STRN4: variants seen among roughly 807,000 people sequenced by gnomAD.
STRN4 encodes striatin 4.
STRN4 carries 27 observed loss-of-function variants against 77.9 expected under a neutral mutation model. That is an observed-to-expected ratio of 0.35 (90% CI 0.26 to 0.48). The LOEUF is 0.48. STRN4 is among the 20% of genes least tolerant of loss of function. The pLI, the probability that STRN4 is intolerant of heterozygous loss-of-function variation, is 0.99. For missense variants in STRN4, 798 were observed against 1,049.7 expected, an observed-to-expected ratio of 0.76 and a Z score of 3.31; for synonymous variants, 466 against 443.1, an observed-to-expected ratio of 1.05 and a Z score of -0.65.
chr19:46,734,750 C>T (rs919177586), intron 4 of STRN4, among the ~76,000 whole-genome samples: 13 of 152,078 alleles, frequency 8.5e-5, no homozygotes, highest in Non-Finnish European at 1.6e-4. Flanking sequence ...CTGCAAGCTC[C>T]GTCTCCCGGG....
Position 46,733,313 on chromosome 19 carries a change from G to T in STRN4, c.540-77C>A, listed in dbSNP as rs2054294085. 9 of 1,456,170 alleles carry T rather than the reference G, an allele frequency of 6.2e-6. No individual in the cohort carries two copies. The highest frequency in any genetic ancestry group is 8.4e-6 in the Non-Finnish European group (9 of 1,071,064). The allele number at this position is 1,456,170 out of a possible 1,614,324, so 90.2% of individuals were successfully genotyped here. On this transcript the variant is annotated intron_variant, in intron 4 of 17. Coordinates refer to ENST00000263280, the MANE Select transcript of STRN4 (RefSeq NM_013403.3). This position sits in a 1 kb window ranked among gnomAD's most constrained non-coding sequence, Gnocchi z 4.3. ...TACCACAGGGGCCAATGCAAACCGA[G>T]ACAACCTCTTAAGGGGCCACTTAAG...
chr19:46,728,565 C>T, intron 7 of STRN4, 53 bp downstream of exon 7: 1 of 1,584,076 alleles, frequency 6.3e-7, no homozygotes. Flanking sequence ...AGCCTGCTCC[C>T]ACCCCCTCGG....
rs1293511037 is a variant in STRN4, at chr19:46,721,855, G to A, written c.2092+131C>T. ...TGTGCTGCCCCCTATGGTCACCACG[G>A]TCATTCCCGCCCAGACCAGCCTCCC... On this transcript the variant is annotated intron_variant, in intron 16 of 17. Coordinates refer to ENST00000263280, the MANE Select transcript of STRN4 (RefSeq NM_013403.3). 1.3e-5 allele frequency: 12 copies of A among 930,922 alleles called. No individual in the cohort carries two copies. In the East Asian group the frequency reaches 2.4e-4, roughly 19 times the overall value. The allele number at this position is 930,922 out of a possible 1,614,324, so 57.7% of individuals were successfully genotyped here. A position where few individuals can be genotyped will look rare whatever the true frequency, so the allele number is the denominator to read the frequency against.
chr19:46,739,300 C>T (rs1052286781), intron 1 of STRN4: 3 of 216,042 alleles, frequency 1.4e-5, no homozygotes, highest in Non-Finnish European at 2.9e-5. Context: ...TGGCGTCCCA[C>T]TATTCTTACC....
chr19:46,722,279 G>C lies in STRN4; in HGVS notation c.1968C>G (p.His656Gln). 1 of 1,614,200 alleles carries C rather than the reference G, an allele frequency of 6.2e-7. No individual in the cohort carries two copies. The highest frequency in any genetic ancestry group is 8.5e-7 in the Non-Finnish European group (1 of 1,180,026). The change falls in exon 15 of 18, where the codon CAC becomes CAG. Residue 656 changes from histidine (H) to glutamine (Q), a missense_variant. His to Gln is a conservative substitution (Grantham distance 24). Transcript: ENST00000263280. ...CCAGGAAGCGGATGCCCCTGTCGTC[G>C]TGGGCGGTGATGGTGAGAGGCTGGT... ...HPNQPLTITAHDDRGIRFLDN... is the reference protein window; with the variant it reads ...HPNQPLTITAQDDRGIRFLDN...
rs541585094 is a variant in STRN4 at position 46,725,851 on chromosome 19, C to T, written c.1249-203G>A. On this transcript the variant is annotated intron_variant, in intron 9 of 17. Transcript: ENST00000263280. ...GCTCGCCCAACAAGTCCCCACACTGCGCTGGGTTCTGGAGAGACAAAGGTG... is the reference window on the plus strand; with the variant it reads ...GCTCGCCCAACAAGTCCCCACACTGTGCTGGGTTCTGGAGAGACAAAGGTG... The T allele has an allele frequency of 9.2e-5, 61 of 665,328 alleles. 1 individual carries two copies. The highest frequency in any genetic ancestry group is 2.7e-4 in the South Asian group (14 of 51,148). 41.2% of individuals were successfully genotyped at this position (665,328 alleles called of 1,614,324 possible).
chr19:46,721,081 AG>A lies in STRN4; in HGVS notation c.2093-311del, dbSNP rs1338696070. The A allele has an allele frequency of 4.5e-5, 12 of 266,844 alleles. No homozygotes were observed. The East Asian group carries it at 8.0e-4, about 18-fold the overall frequency. The allele number at this position is 266,844 out of a possible 1,614,324, so 16.5% of individuals were successfully genotyped here. A position where few individuals can be genotyped will look rare whatever the true frequency, so the allele number is the denominator to read the frequency against. Reference sequence around the variant, plus strand: ...AGCACTGACGCTGCAGCTGGGCAACAGGAAGAGAAAGAAGAAAGCAACCCAG... The same window carrying A: ...AGCACTGACGCTGCAGCTGGGCAACAGAAGAGAAAGAAGAAAGCAACCCAG... On this transcript the variant is annotated intron_variant, in intron 16 of 17. Coordinates refer to ENST00000263280, the MANE Select transcript of STRN4 (RefSeq NM_013403.3).
intron 13 of STRN4, 50 bp from the exon 14 acceptor site, chr19:46,723,000 C>T (rs751098477): frequency 6.2e-7 from 1 of 1,607,942 alleles, no homozygotes; most frequent in Non-Finnish European, 8.5e-7. Context: ...CAGACCCAGC[C>T]CTGCCCCAGG....
chr19:46,736,708 AT>A (rs2122351976), intron 4 of STRN4, 114 bp downstream of exon 4: 1 of 1,135,100 alleles, frequency 8.8e-7, no homozygotes, highest in East Asian at 2.6e-5. Context: ...GCTGGCTAAG[AT>A]CCTGATAGTT....
In STRN4 at chr19:46,738,675, A is replaced by C. The variant is rs1465556063; in HGVS notation, c.386+110T>G. On this transcript the variant is annotated intron_variant, in intron 2 of 17. Coordinates refer to ENST00000263280, the MANE Select transcript of STRN4 (RefSeq NM_013403.3). This position sits in a 1 kb window ranked among gnomAD's most constrained non-coding sequence, Gnocchi z 4.5. ...TTATGGTACTGGAATGATGGAAAAG[A>C]ATGTCGACCCCAAATCTCCCTTAGC... 10 of 1,015,908 alleles carry C rather than the reference A, an allele frequency of 9.8e-6. 1 individual carries two copies. The highest frequency in any genetic ancestry group is 1.5e-5 in the Non-Finnish European group (10 of 650,868). The allele number at this position is 1,015,908 out of a possible 1,614,324, so 62.9% of individuals were successfully genotyped here. A position where few individuals can be genotyped will look rare whatever the true frequency, so the allele number is the denominator to read the frequency against.
At chr19:46,725,452 C>G (rs2054088758) in intron 10 of STRN4, 21 bp downstream of exon 10, 1 of 1,613,828 alleles carries the variant, frequency 6.2e-7, no homozygotes, top group Middle Eastern at 1.7e-4. Context: ...CTGCCCCCGG[C>G]TCTGAGCTTG....
chr19:46,742,394 C>T (rs2054490426), intron 1 of STRN4, among the ~76,000 whole-genome samples: 1 of 152,048 alleles, frequency 6.6e-6, no homozygotes, highest in Non-Finnish European at 1.5e-5. Context: ...AAAAGTTATT[C>T]AGAGTCCATC....
chr19:46,738,100 C>G lies in STRN4; in HGVS notation c.460+64G>C. On this transcript the variant is annotated intron_variant, in intron 3 of 17. Transcript: ENST00000263280. This position sits in a 1 kb window ranked among gnomAD's most constrained non-coding sequence, Gnocchi z 4.5. ...GAGAAAGAGGCACCCCATCTTCCTG[C>G]TTCTCCAGAACACTCAGCTTCTGCG... 6.5e-7 allele frequency: 1 copy of G among 1,527,460 alleles called. No individual in the cohort carries two copies. The highest frequency in any genetic ancestry group is 1.1e-5 in the South Asian group (1 of 89,314). The allele number at this position is 1,527,460 out of a possible 1,614,324, so 94.6% of individuals were successfully genotyped here. A position where few individuals can be genotyped will look rare whatever the true frequency, so the allele number is the denominator to read the frequency against.
At chr19:46,731,079 A>G in intron 5 of STRN4, 1 of 711,462 alleles carries the variant, frequency 1.4e-6, no homozygotes. Flanking sequence ...CCTCACTCAG[A>G]CCGCAAACGG....
At chr19:46,724,205 G>A (rs888199630) in intron 12 of STRN4, among the ~76,000 whole-genome samples, 1 of 135,644 alleles carries the variant, frequency 7.4e-6, no homozygotes, top group African/African-American at 2.9e-5. Flanking sequence ...CCAAGATCAC[G>A]CCACTGCATT....
At chr19:46,745,898 G>A (rs1267944161) in intron 1 of STRN4, 4 of 371,718 alleles carry the variant, frequency 1.1e-5, no homozygotes, top group Non-Finnish European at 1.9e-5. Flanking sequence ...GGCCGGTCCC[G>A]GTGATCCCTC....
At chr19:46,736,675 G>A in intron 4 of STRN4, 148 bp downstream of exon 4, 2 of 873,898 alleles carry the variant, frequency 2.3e-6, no homozygotes. Flanking sequence ...TCCGCCCACA[G>A]GGTGAAAGCC....
Position 46,733,776 on chromosome 19 carries a change from TA to T in STRN4, c.540-541del, listed in dbSNP as rs769885201. Reference sequence around the variant, plus strand: ...AGCAGTGACCTCTGGAGAATGGGATTAGGGGCGTAAGAGGAACTTTTGCAAC... The same window carrying T: ...AGCAGTGACCTCTGGAGAATGGGATTGGGGCGTAAGAGGAACTTTTGCAAC... On this transcript the variant is annotated intron_variant, in intron 4 of 17. Coordinates refer to ENST00000263280, the MANE Select transcript of STRN4 (RefSeq NM_013403.3). This position sits in a 1 kb window ranked among gnomAD's most constrained non-coding sequence, Gnocchi z 4.3. The T allele has an allele frequency of 2.6e-5, 4 of 152,570 alleles. No individual in the cohort carries two copies. The highest frequency in any genetic ancestry group is 9.7e-5 in the African/African-American group (4 of 41,428). The allele number at this position is 152,570 out of a possible 1,614,324, so 9.5% of individuals were successfully genotyped here.
intron 6 of STRN4, among the ~76,000 whole-genome samples, chr19:46,730,395 G>C (rs2054220602): frequency 6.7e-6 from 1 of 149,814 alleles, no homozygotes; most frequent in Non-Finnish European, 1.5e-5. Context: ...CTGGAGGAGG[G>C]GGTGTCTGAG....
Sources: allele counts gnomAD v4.1 joint callset (sites outside exome capture counted in the v4.1 genomes callset), GRCh38; gene constraint gnomAD v4.1.1; non-coding constraint Gnocchi (gnomAD v3.1); transcripts MANE v1.5; gene names NCBI Gene and HGNC (gene_info 2026-07-23, HGNC 2026-07-21).